The following BLOC1S6 variants were observed in gnomAD, a reference collection of about 807,000 sequenced individuals.
The protein encoded by BLOC1S6 is biogenesis of lysosomal organelles complex 1 subunit 6, also known as biogenesis of lysosome-related organelles complex 1 subunit 6.
A neutral mutation model predicts 24.7 loss-of-function variants in BLOC1S6; 24 were observed. That is an observed-to-expected ratio of 0.97 (90% CI 0.70 to 1.37). The LOEUF (loss-of-function observed/expected upper bound fraction) is 1.37, where lower values mean the gene tolerates loss of function less well. BLOC1S6 is among the 40% of genes most tolerant of loss of function. The pLI, the probability that BLOC1S6 is intolerant of heterozygous loss-of-function variation, is 0.00. For synonymous variants in BLOC1S6, 76 were observed against 72.6 expected (o/e 1.05, Z -0.23); for missense variants, 175 against 196.2 (o/e 0.89, Z 0.64).
intron 4 of BLOC1S6, 46 bp downstream of exon 4, chr15:45,605,560 ATTGTTTTTTG>A (rs1566905156): frequency 7.8e-7 from 1 of 1,281,894 alleles, no homozygotes; most frequent in Non-Finnish European, 1.1e-6. Flanking sequence ...TAGAGGTTTA[ATTGTTTTTTG>A]TTGTTTTTTT....
At chr15:45,605,953 T>C (rs1433396976) in intron 4 of BLOC1S6, among the ~76,000 whole-genome samples, 3 of 152,168 alleles carry the variant, frequency 2.0e-5, no homozygotes, top group African/African-American at 7.2e-5. Flanking sequence ...TGGTACATTG[T>C]TTTCTTTTTA....
rs771647965 is a variant in BLOC1S6 at position 45,603,124 on chromosome 15, C to T, written c.249C>T (p.Asp83=). The change falls in exon 3 of 5, where the codon GAC becomes GAT. Residue 83 remains aspartate (D), a synonymous_variant. Coordinates refer to ENST00000220531, the MANE Select transcript of BLOC1S6 (RefSeq NM_012388.4). ...ELTQNQVVLL[D]TLEQEISKFK... is the part of the protein sequence containing the mutation. ...GACAGAACCAAGTTGTATTGTTAGA[C>T]ACACTGGAACAAGAGATTTCAAAAT... is the stretch of plus-strand genomic sequence containing the variant. 4 of 1,611,238 alleles carry T rather than the reference C, an allele frequency of 2.5e-6. No individual in the cohort carries two copies. The highest frequency in any genetic ancestry group is 1.1e-5 in the South Asian group (1 of 90,966).
intron 2 of BLOC1S6, among the ~76,000 whole-genome samples, chr15:45,596,023 G>A (rs1168682530): frequency 6.6e-6 from 1 of 152,114 alleles, no homozygotes; most frequent in African/African-American, 2.4e-5. Context: ...GGTCAGGCTG[G>A]TCTCAGACCT....
rs1894555549 is a variant in BLOC1S6, at chr15:45,608,433, T to C, written c.*1919T>C. 1 of 152,226 alleles carries C rather than the reference T, an allele frequency of 6.6e-6. No individual in the cohort carries two copies. Among genetic ancestry groups the C allele is most frequent in the South Asian group, 2.1e-4 (1 of 4,828 alleles). The allele number at this position is 152,226 out of a possible 1,614,324, so 9.4% of individuals were successfully genotyped here. A position where few individuals can be genotyped will look rare whatever the true frequency, so the allele number is the denominator to read the frequency against. On this transcript the variant is annotated 3_prime_UTR_variant, in exon 5 of 5. Coordinates refer to ENST00000220531, the MANE Select transcript of BLOC1S6 (RefSeq NM_012388.4). The stretch of plus-strand genomic sequence containing the variant: ...ATTATAATATGATATCTGACAAAGG[T>C]AGTACAGCGTTTCTGAGTCATTTGG...
rs1003526598 is a variant in BLOC1S6, at chr15:45,608,980, T to A, written c.*2466T>A. The A allele has an allele frequency of 6.6e-6, 1 of 152,118 alleles. No homozygotes were observed. Among genetic ancestry groups the A allele is most frequent in the African/African-American group, 2.4e-5 (1 of 41,438 alleles). 9.4% of individuals were successfully genotyped at this position (152,118 alleles called of 1,614,324 possible). Reference sequence around the variant, plus strand: ...CTTTTGTGACCTGTTTAAAAACAAATCAAATTTATTGAACAAATGACAAGG... The same window carrying A: ...CTTTTGTGACCTGTTTAAAAACAAAACAAATTTATTGAACAAATGACAAGG... On this transcript the variant is annotated 3_prime_UTR_variant, in exon 5 of 5. Coordinates refer to ENST00000220531, the MANE Select transcript of BLOC1S6 (RefSeq NM_012388.4).
chr15:45,606,651 A>G lies in BLOC1S6; in HGVS notation c.*137A>G, dbSNP rs575803192. 323 of 1,257,646 alleles carry G rather than the reference A, an allele frequency of 2.6e-4. 3 individuals are homozygous for G. The South Asian group carries it at 3.9e-3, about 15-fold the overall frequency. 77.9% of individuals were successfully genotyped at this position (1,257,646 alleles called of 1,614,324 possible). ...CTTATTCCGGTATTACTGTGTCTCC[A>G]TGCCTTTTTTCCAAGTAGCAGACGT... is the stretch of plus-strand genomic sequence containing the variant. On this transcript the variant is annotated 3_prime_UTR_variant, in exon 5 of 5. Transcript: ENST00000220531.
intron 2 of BLOC1S6, chr15:45,601,114 A>G (rs1894254615): frequency 6.5e-6 from 1 of 153,542 alleles, no homozygotes; most frequent in African/African-American, 2.4e-5. Flanking sequence ...ATAGTAAGAG[A>G]TTAACAACAA....
At position 45,592,245 on chromosome 15, in the gene BLOC1S6, C is replaced by CA; in HGVS notation, c.194dup (p.Arg66GlufsTer28). The CA allele has an allele frequency of 2.5e-6, 4 of 1,614,044 alleles. No homozygotes were observed. Among genetic ancestry groups the CA allele is most frequent in the Non-Finnish European group, 3.4e-6 (4 of 1,180,026 alleles). ...GCTTTCTCATTATTTGCCAGATCTG[C>CA]AGAGATCAAAACAAGCCCTCCAGGA... On this transcript the variant is annotated frameshift_variant, in exon 2 of 5. Transcript: ENST00000220531. LOFTEE classifies it high-confidence loss of function.
intron 1 of BLOC1S6, among the ~76,000 whole-genome samples, chr15:45,589,340 C>T (rs1256370099): frequency 6.6e-6 from 1 of 152,210 alleles, no homozygotes; most frequent in Non-Finnish European, 1.5e-5. Context: ...CAGAGTAGCT[C>T]ATGCTGGAGT....
intron 2 of BLOC1S6, among the ~76,000 whole-genome samples, chr15:45,594,371 C>T (rs1401337519): frequency 6.6e-6 from 1 of 152,102 alleles, no homozygotes; most frequent in Non-Finnish European, 1.5e-5. Flanking sequence ...CCTAAAGCAG[C>T]CACAGAGGTG....
chr15:45,587,756 G>A (rs1309128476), intron 1 of BLOC1S6: 1 of 703,436 alleles, frequency 1.4e-6, no homozygotes, highest in South Asian at 1.5e-5. Flanking sequence ...AATTGAAGGC[G>A]GTTGATGGTG....
Position 45,606,408 on chromosome 15 carries a change from A to T in BLOC1S6, c.413A>T (p.Lys138Ile), listed in dbSNP as rs750891399. Residue 138 changes from lysine to isoleucine, a missense_variant, in exon 5 of 5, where the codon AAA (lysine) becomes ATA (isoleucine). Transcript: ENST00000220531. ...TTTTTAACACAGAAAAGAGCACTTA[A>T]ACTGCAGCAGAAGAGGCAAAAAGAA... is the stretch of plus-strand genomic sequence containing the variant. ...KTSKLKKRAL[K>I]LQQKRQKEEL... The T allele has an allele frequency of 2.5e-6, 4 of 1,614,034 alleles. No individual in the cohort carries two copies. The highest frequency in any genetic ancestry group is 2.5e-6 in the Non-Finnish European group (3 of 1,180,034).
rs1290836690 is a variant in BLOC1S6, at chr15:45,606,779, TTTGA to T, written c.*268_*271del. 2.2e-6 allele frequency: 1 copy of T among 448,998 alleles called. No individual in the cohort carries two copies. The highest frequency in any genetic ancestry group is 2.0e-5 in the African/African-American group (1 of 50,362). 27.8% of individuals were successfully genotyped at this position (448,998 alleles called of 1,614,324 possible). ...GAATTATTTATAAACTGGAAAGTGG[TTTGA>T]TTATTGTGAGTCAAAACTCTAAGTG... On this transcript the variant is annotated 3_prime_UTR_variant, in exon 5 of 5. Coordinates refer to ENST00000220531, the MANE Select transcript of BLOC1S6 (RefSeq NM_012388.4).
chr15:45,587,739 G>A lies in BLOC1S6; in HGVS notation c.82+214G>A, dbSNP rs1314310194. On this transcript the variant is annotated intron_variant, in intron 1 of 4. Transcript: ENST00000220531. ...AGTCCCGAGGGGAAGCTTTGTATTG[G>A]GGGTGCAATTGAAGGCGGTTGATGG... 4 of 705,750 alleles carry A rather than the reference G, an allele frequency of 5.7e-6. No homozygotes were observed. The Admixed American group carries it at 6.0e-5, about 11-fold the overall frequency. The allele number at this position is 705,750 out of a possible 1,614,324, so 43.7% of individuals were successfully genotyped here.
At chr15:45,590,808 T>G (rs753653245) in intron 1 of BLOC1S6, among the ~76,000 whole-genome samples, 13 of 152,230 alleles carry the variant, frequency 8.5e-5, no homozygotes, top group Non-Finnish European at 1.8e-4. Context: ...TAGAGTGATG[T>G]AATTTGATGT....
chr15:45,603,250 C>A, intron 3 of BLOC1S6, 63 bp downstream of exon 3: 1 of 1,020,902 alleles, frequency 9.8e-7, no homozygotes, highest in Non-Finnish European at 1.5e-6. Context: ...TAAGACTTAG[C>A]TAAGCAATAG....
At chr15:45,604,087 G>A (rs926557932) in intron 3 of BLOC1S6, among the ~76,000 whole-genome samples, 4 of 151,916 alleles carry the variant, frequency 2.6e-5, no homozygotes, top group Non-Finnish European at 5.9e-5. Flanking sequence ...TTTGTTTGTG[G>A]GCAGGGCACA....
intron 2 of BLOC1S6, among the ~76,000 whole-genome samples, chr15:45,594,426 A>G (rs1893993975): frequency 6.6e-6 from 1 of 152,200 alleles, no homozygotes. Context: ...GATAATTCAC[A>G]CTTGGAACTT....
chr15:45,592,992 A>G (rs2140905450), intron 2 of BLOC1S6, among the ~76,000 whole-genome samples: 1 of 152,226 alleles, frequency 6.6e-6, no homozygotes, highest in South Asian at 2.1e-4. Flanking sequence ...TTGAAAACTT[A>G]CTTAAGAGGC....
Sources: allele counts gnomAD v4.1 joint callset (sites outside exome capture counted in the v4.1 genomes callset), GRCh38; gene constraint gnomAD v4.1.1; transcripts MANE v1.5; gene names NCBI Gene and HGNC (gene_info 2026-07-23, HGNC 2026-07-21).